Variants in TRHDE observed in about 807,000 individuals in gnomAD.
The protein encoded by TRHDE is thyrotropin-releasing hormone-degrading ectoenzyme.
TRHDE carries 72 observed loss-of-function variants against 125.7 expected under a neutral mutation model. That is an observed-to-expected ratio of 0.57 (90% CI 0.47 to 0.70). The LOEUF (loss-of-function observed/expected upper bound fraction) is 0.70, where lower values mean the gene tolerates loss of function less well. Ranked by LOEUF, TRHDE falls within the 30% of genes least tolerant of loss-of-function variation. The pLI is 0.00. For missense variants in TRHDE, 1,110 were observed against 1,327.1 expected (o/e 0.84, Z 2.54); for synonymous variants, 509 against 509.1 (o/e 1.00, Z 0.00).
chr12:72,548,273 C>T (rs1185688753), intron 7 of TRHDE, among the ~76,000 whole-genome samples: 1 of 151,552 alleles, frequency 6.6e-6, no homozygotes, highest in Non-Finnish European at 1.5e-5. Context: ...TCACATATCT[C>T]CCTGAAATAT....
chr12:72,188,001 A>G (rs10879373), intron 2 of TRHDE, among the ~76,000 whole-genome samples: 14,796 of 152,278 alleles, frequency 0.097, 1,188 homozygotes, highest in African/African-American at 0.22. Flanking sequence ...GGATAATATA[A>G]CCATAGCAAA....
intron 2 of TRHDE, among the ~76,000 whole-genome samples, chr12:72,149,201 A>C (rs1044255453): frequency 6.6e-6 from 1 of 152,112 alleles, no homozygotes; most frequent in Non-Finnish European, 1.5e-5. Context: ...TTTTCTCCAA[A>C]CTGTAATTTG....
At chr12:72,295,833 A>T (rs1286961300) in intron 2 of TRHDE, among the ~76,000 whole-genome samples, 1 of 152,046 alleles carries the variant, frequency 6.6e-6, no homozygotes, top group Non-Finnish European at 1.5e-5. Flanking sequence ...TCCTGTTGTC[A>T]TTAGACATTC....
chr12:72,603,315 G>A (rs10879458), intron 12 of TRHDE, among the ~76,000 whole-genome samples: 39,849 of 152,002 alleles, frequency 0.26, 7,868 homozygotes, highest in East Asian at 0.54. Context: ...GGTATCCTGT[G>A]TGTTGGCGGG....
chr12:72,401,140 A>T (rs1873026762), intron 3 of TRHDE, among the ~76,000 whole-genome samples: 2 of 152,158 alleles, frequency 1.3e-5, no homozygotes, highest in African/African-American at 4.8e-5. Context: ...ATAAACTTTT[A>T]AGTGATATTT....
At chr12:72,499,965 T>C (rs1443742163) in intron 6 of TRHDE, among the ~76,000 whole-genome samples, 2 of 152,210 alleles carry the variant, frequency 1.3e-5, no homozygotes, top group East Asian at 3.8e-4. Context: ...CTGACCCATA[T>C]AGTGACAAAT....
intron 1 of TRHDE, among the ~76,000 whole-genome samples, chr12:72,104,641 T>C (rs1875141656): frequency 6.6e-6 from 1 of 152,198 alleles, no homozygotes. Context: ...CATTGGTATA[T>C]GGATAATGAA....
At chr12:72,495,085 T>TA (rs1877854923) in intron 5 of TRHDE, among the ~76,000 whole-genome samples, 1 of 144,058 alleles carries the variant, frequency 6.9e-6, no homozygotes, top group East Asian at 2.3e-4. Context: ...TTTTTTTTTT[T>TA]TAAGTTTCAT....
chr12:72,503,229 G>A (rs1878226564), intron 6 of TRHDE, among the ~76,000 whole-genome samples: 1 of 152,072 alleles, frequency 6.6e-6, no homozygotes. Flanking sequence ...ATTCTTATAA[G>A]CATCTGATGG....
At chr12:72,399,422 T>G (rs1021111388) in intron 3 of TRHDE, among the ~76,000 whole-genome samples, 1 of 152,200 alleles carries the variant, frequency 6.6e-6, no homozygotes, top group African/African-American at 2.4e-5. Flanking sequence ...TAGAATAATC[T>G]GACTCTAAAT....
intron 15 of TRHDE, among the ~76,000 whole-genome samples, chr12:72,636,886 T>G (rs1224200090): frequency 1.6e-4 from 24 of 152,192 alleles, no homozygotes; most frequent in Admixed American, 1.6e-3. Context: ...CTTTTTGATG[T>G]GCTGCTGGAT....
intron 2 of TRHDE, among the ~76,000 whole-genome samples, chr12:72,321,822 A>T (rs1425910312): frequency 6.6e-6 from 1 of 152,056 alleles, no homozygotes; most frequent in Non-Finnish European, 1.5e-5. Flanking sequence ...TTTAGTGTTT[A>T]GTGTTGGTGC....
At chr12:72,526,479 C>T (rs1335394609) in intron 6 of TRHDE, among the ~76,000 whole-genome samples, 2 of 152,104 alleles carry the variant, frequency 1.3e-5, no homozygotes, top group Non-Finnish European at 2.9e-5. Flanking sequence ...GTTGGGATGA[C>T]TGTACTTTCT....
chr12:72,318,051 G>C (rs946674108), intron 2 of TRHDE, among the ~76,000 whole-genome samples: 11 of 152,132 alleles, frequency 7.2e-5, no homozygotes, highest in Admixed American at 1.3e-4. Context: ...AGGCAGTACA[G>C]CACAGCAGTG....
chr12:72,625,167 G>A (rs1281021598), intron 15 of TRHDE, among the ~76,000 whole-genome samples: 4 of 151,652 alleles, frequency 2.6e-5, no homozygotes, highest in South Asian at 2.1e-4. Context: ...GATCAAATAT[G>A]GTATTATAGG....
chr12:72,479,876 T>C (rs112241813), intron 5 of TRHDE, among the ~76,000 whole-genome samples: 2,785 of 147,626 alleles, frequency 0.019, 81 homozygotes, highest in African/African-American at 0.064. Context: ...TGTGTTCTCA[T>C]TGTTCAATTC....
chr12:72,549,411 T>G (rs377658187), intron 7 of TRHDE, among the ~76,000 whole-genome samples: 6 of 151,988 alleles, frequency 3.9e-5, no homozygotes, highest in African/African-American at 1.4e-4. Context: ...TAATTTTCTT[T>G]CTGAAGAGAT....
chr12:72,269,854 G>T (rs1272465151), upstream of TRHDE, among the ~76,000 whole-genome samples: 1 of 152,084 alleles, frequency 6.6e-6, no homozygotes, highest in East Asian at 1.9e-4. Flanking sequence ...AACAGAAAAA[G>T]CCTTCTTTGA....
chr12:72,591,551 GA>G (rs542419773), intron 12 of TRHDE, among the ~76,000 whole-genome samples: 16 of 146,046 alleles, frequency 1.1e-4, no homozygotes, highest in Non-Finnish European at 2.2e-4. Flanking sequence ...AAGAAATTAA[GA>G]AAAAAAGATG....
Sources: gnomAD v4.1 joint callset for allele counts (sites outside exome capture counted in the v4.1 genomes callset) on GRCh38, gnomAD v4.1.1 for gene constraint, MANE v1.5 for transcripts, NCBI Gene and HGNC (gene_info 2026-07-23, HGNC 2026-07-21) for gene names.